Variants in CLTCL1 observed in about 807,000 individuals in gnomAD.
The protein encoded by CLTCL1 is clathrin heavy chain like 1.
Under a neutral mutation model 190.0 loss-of-function variants are expected in CLTCL1, and 159 were observed. The ratio of observed to expected loss-of-function variants is 0.84; its 90% CI spans 0.74 to 0.95. CLTCL1 has a LOEUF of 0.95. Ranked by LOEUF, CLTCL1 falls within the 40% of genes least tolerant of loss-of-function variation. CLTCL1 has a pLI of 0.00. For synonymous variants in CLTCL1, 752 were observed against 769.6 expected, an observed-to-expected ratio of 0.98 and a Z score of 0.38; for missense variants, 1,878 against 2,033.4, an observed-to-expected ratio of 0.92 and a Z score of 1.47.
chr22:19,282,871 C>CTT (rs782332608), intron 1 of CLTCL1, among the ~76,000 whole-genome samples: 9 of 137,898 alleles, frequency 6.5e-5, no homozygotes, highest in Admixed American at 1.5e-4. Flanking sequence ...TCTTTCTTTC[C>CTT]TTTTTTTTTT....
chr22:19,196,428 G>T lies in CLTCL1; in HGVS notation c.4042-13C>A. 1 of 1,614,046 alleles carries T rather than the reference G, an allele frequency of 6.2e-7. No individual in the cohort carries two copies. Among genetic ancestry groups the T allele is most frequent in the Non-Finnish European group, 8.5e-7 (1 of 1,179,882 alleles). On this transcript the variant is annotated splice_polypyrimidine_tract_variant and intron_variant, in intron 25 of 32. Transcript: ENST00000427926. Reference sequence around the variant, plus strand: ...CAGCCCTCAGCACCTGGACAAGGAGGTCAGGGTCGGCTTGTGCTGCACGTG... The same window carrying T: ...CAGCCCTCAGCACCTGGACAAGGAGTTCAGGGTCGGCTTGTGCTGCACGTG...
At chr22:19,229,770 C>G in intron 11 of CLTCL1, 68 bp downstream of exon 11, 4 of 1,484,380 alleles carry the variant, frequency 2.7e-6, no homozygotes, top group Non-Finnish European at 3.6e-6. Context: ...CCACTGTGCT[C>G]AAGTCTGCAA....
chr22:19,220,335 C>T (rs999699), intron 17 of CLTCL1, among the ~76,000 whole-genome samples: 19,700 of 152,166 alleles, frequency 0.13, 1,655 homozygotes, highest in African/African-American at 0.23. Context: ...CTACTGAGCC[C>T]TTGAAATGTG....
At chr22:19,276,211 G>A (rs2146298218) in intron 1 of CLTCL1, among the ~76,000 whole-genome samples, 1 of 152,266 alleles carries the variant, frequency 6.6e-6, no homozygotes, top group South Asian at 2.1e-4. Flanking sequence ...TCTTGGAGAG[G>A]TGAAGGCGAG....
chr22:19,183,319 G>A lies in CLTCL1; in HGVS notation c.4827+71C>T, dbSNP rs573578230. 37 of 1,385,388 alleles carry A rather than the reference G, an allele frequency of 2.7e-5. No homozygotes were observed. The East Asian group carries it at 6.3e-4, about 24-fold the overall frequency. 85.8% of individuals were successfully genotyped at this position (1,385,388 alleles called of 1,614,324 possible). On this transcript the variant is annotated intron_variant, in intron 30 of 32. Transcript: ENST00000427926. ...AAAGGGGCCCACCCTTAAGACCTGC[G>A]GCCAGAGTCACTGCCAGGGTTGGGT... is the stretch of plus-strand genomic sequence containing the variant.
At chr22:19,225,369 T>C (rs906152108) in intron 13 of CLTCL1, 84 bp downstream of exon 13, 2 of 1,414,776 alleles carry the variant, frequency 1.4e-6, no homozygotes, top group Non-Finnish European at 1.9e-6. Context: ...AGGAAGGCCG[T>C]CTTAAGGCGG....
intron 2 of CLTCL1, among the ~76,000 whole-genome samples, chr22:19,265,542 A>G (rs1436302527): frequency 6.6e-6 from 1 of 151,952 alleles, no homozygotes; most frequent in Non-Finnish European, 1.5e-5. Context: ...TTATATATTC[A>G]TATATATGAA....
At chr22:19,225,779 A>G in intron 12 of CLTCL1, 146 bp from the exon 13 acceptor site, 1 of 746,136 alleles carries the variant, frequency 1.3e-6, no homozygotes, top group Non-Finnish European at 2.1e-6. Flanking sequence ...GCAACTATCC[A>G]TCACGGGAAA....
chr22:19,206,682 G>A (rs982563725), intron 22 of CLTCL1, among the ~76,000 whole-genome samples: 3 of 151,666 alleles, frequency 2.0e-5, no homozygotes, highest in East Asian at 1.9e-4. Flanking sequence ...AACGATTCTC[G>A]CACTTCGGCC....
chr22:19,209,499 G>C (rs2085152863), intron 20 of CLTCL1, among the ~76,000 whole-genome samples: 1 of 152,218 alleles, frequency 6.6e-6, no homozygotes, highest in African/African-American at 2.4e-5. Flanking sequence ...TCACCAGGCA[G>C]AAACAGGCTT....
chr22:19,212,397 CAAA>C (rs548435992), intron 19 of CLTCL1, among the ~76,000 whole-genome samples: 3 of 102,304 alleles, frequency 2.9e-5, no homozygotes, highest in Non-Finnish European at 2.2e-5. Context: ...CTGTCTCTAC[CAAA>C]AAAAAAAAAA....
rs797029878 is a variant in CLTCL1 at position 19,204,192 on chromosome 22, A to G, written c.3601-2699T>C. 6.6e-5 allele frequency among the ~76,000 whole-genome samples: 10 copies of G among 152,262 alleles called. No individual in the cohort carries two copies. The South Asian group carries it at 1.5e-3, about 22-fold the overall frequency. ...AATGTCCAGTCTCGCCCAGAGCAGA[A>G]GCCAGAGAAGCCAGAGTCCTGATGA... On this transcript the variant is annotated intron_variant, in intron 22 of 32. Coordinates refer to ENST00000427926, the MANE Select transcript of CLTCL1 (RefSeq NM_007098.4).
chr22:19,203,698 G>C (rs1346298813), intron 22 of CLTCL1, among the ~76,000 whole-genome samples: 1 of 152,140 alleles, frequency 6.6e-6, no homozygotes, highest in Non-Finnish European at 1.5e-5. Context: ...GGTGGCGGCT[G>C]TGGGTGCTGC....
chr22:19,208,412 A>G, intron 21 of CLTCL1, 101 bp from the exon 22 acceptor site: 2 of 1,371,574 alleles, frequency 1.5e-6, no homozygotes, highest in Non-Finnish European at 2.0e-6. Context: ...TTTACCCTCC[A>G]GTTATGTCTC....
At chr22:19,193,566 G>C (rs1470288340) in intron 26 of CLTCL1, among the ~76,000 whole-genome samples, 3 of 152,232 alleles carry the variant, frequency 2.0e-5, no homozygotes, top group African/African-American at 7.2e-5. Context: ...TAGTATCCCT[G>C]TTTTATACAA....
intron 14 of CLTCL1, among the ~76,000 whole-genome samples, 166 bp from the exon 15 acceptor site, chr22:19,222,975 T>C (rs1401931892): frequency 6.6e-6 from 1 of 152,250 alleles, no homozygotes; most frequent in Non-Finnish European, 1.5e-5. Flanking sequence ...GTATGGCATT[T>C]GCTTTGGGAA....
rs1569170692 is a variant in CLTCL1 at position 19,208,136 on chromosome 22, C to T, written c.3600+18G>A. The T allele has an allele frequency of 1.9e-6, 3 of 1,613,778 alleles. No individual in the cohort carries two copies. Among genetic ancestry groups the T allele is most frequent in the East Asian group, 4.5e-5 (2 of 44,888 alleles). On this transcript the variant is annotated intron_variant, in intron 22 of 32. Coordinates refer to ENST00000427926, the MANE Select transcript of CLTCL1 (RefSeq NM_007098.4). ...AAATCTGACTGGCAGTGCACAGCCC[C>T]CAGGGGGCATGGCCTACCTGCTGGA...
At chr22:19,243,399 C>T (rs2086315743) in intron 3 of CLTCL1, among the ~76,000 whole-genome samples, 1 of 152,152 alleles carries the variant, frequency 6.6e-6, no homozygotes, top group Non-Finnish European at 1.5e-5. Flanking sequence ...GGGAGAATCA[C>T]TTGAGGCCGA....
At chr22:19,229,112 A>G (rs1555957568) in intron 11 of CLTCL1, among the ~76,000 whole-genome samples, 1 of 152,216 alleles carries the variant, frequency 6.6e-6, no homozygotes, top group Non-Finnish European at 1.5e-5. Context: ...GAATTAAAGC[A>G]GGGTCTCAAA....
Sources: allele counts gnomAD v4.1 joint callset (sites outside exome capture counted in the v4.1 genomes callset), GRCh38; gene constraint gnomAD v4.1.1; transcripts MANE v1.5; gene names NCBI Gene and HGNC (gene_info 2026-07-23, HGNC 2026-07-21).